SUFU: variants seen among roughly 807,000 people sequenced by gnomAD.
SUFU encodes SUFU negative regulator of hedgehog signaling.
SUFU carries 7 observed loss-of-function variants against 58.9 expected under a neutral mutation model. The ratio of observed to expected loss-of-function variants is 0.12; its 90% CI spans 0.07 to 0.22. The LOEUF (loss-of-function observed/expected upper bound fraction) is 0.22, where lower values mean the gene tolerates loss of function less well. SUFU is among the 10% of genes least tolerant of loss of function. SUFU has a pLI of 1.00. For synonymous variants in SUFU, 232 were observed against 254.8 expected, an observed-to-expected ratio of 0.91 and a Z score of 0.85; for missense variants, 451 against 641.3, an observed-to-expected ratio of 0.70 and a Z score of 3.20.
At chr10:102,532,234 G>T (rs1008048093) in intron 2 of SUFU, among the ~76,000 whole-genome samples, 2 of 152,152 alleles carry the variant, frequency 1.3e-5, no homozygotes, top group African/African-American at 4.8e-5. Context: ...CACCCAAAGT[G>T]CTGGGATTGC....
At position 102,594,024 on chromosome 10, in the gene SUFU, C is replaced by T. The variant is rs369465986; in HGVS notation, c.715C>T (p.Arg239Trp). The T allele has an allele frequency of 1.2e-6, 2 of 1,614,104 alleles. No homozygotes were observed. The highest frequency in any genetic ancestry group is 1.1e-5 in the South Asian group (1 of 91,078). ...CGGCCCCTGGCTGATAACTGACATG[C>T]GGAGGGGAGAGACCATATTTGAGAT... ...AGGPWLITDM[R>W]RGETIFEIDP... is the part of the protein sequence containing the mutation. Residue 239 changes from arginine to tryptophan, a missense_variant, in exon 6 of 12, where the codon CGG becomes TGG. Physicochemically the swap from Arg to Trp is moderately radical, Grantham distance 101. Transcript: ENST00000369902.
rs371548374 is a variant in SUFU, at chr10:102,615,409, G to A, written c.1157+7G>A. The A allele has an allele frequency of 8.7e-6, 14 of 1,613,842 alleles. No individual in the cohort carries two copies. Among genetic ancestry groups the A allele is most frequent in the Admixed American group, 8.3e-5 (5 of 59,996 alleles). ...TCATTCCTCTCTGCCTAAGGTGAGCGAGACAGCCCTGCCACACAGTTTACC... is the reference window on the plus strand; with the variant it reads ...TCATTCCTCTCTGCCTAAGGTGAGCAAGACAGCCCTGCCACACAGTTTACC... On this transcript the variant is annotated splice_region_variant and intron_variant, in intron 9 of 11. Transcript: ENST00000369902.
At chr10:102,527,791 T>C (rs2062628774) in intron 2 of SUFU, among the ~76,000 whole-genome samples, 2 of 152,160 alleles carry the variant, frequency 1.3e-5, no homozygotes, top group South Asian at 4.1e-4. Flanking sequence ...ATTGCCCTGT[T>C]TAGGTTTCTT....
chr10:102,581,809 C>T (rs1590051486), intron 3 of SUFU, among the ~76,000 whole-genome samples: 1 of 152,212 alleles, frequency 6.6e-6, no homozygotes, highest in East Asian at 1.9e-4. Flanking sequence ...ACAGAAGACA[C>T]TTAAGCCCTG....
At chr10:102,555,775 G>A (rs1353546759) in intron 3 of SUFU, among the ~76,000 whole-genome samples, 3 of 152,224 alleles carry the variant, frequency 2.0e-5, no homozygotes, top group Non-Finnish European at 2.9e-5. Flanking sequence ...AGCTGCTGCT[G>A]CAGAGCACCT....
chr10:102,603,726 A>G (rs2063536500), intron 8 of SUFU, among the ~76,000 whole-genome samples: 1 of 152,140 alleles, frequency 6.6e-6, no homozygotes. Flanking sequence ...CAACATACAC[A>G]CACACACATA....
chr10:102,526,732 A>G (rs1216267718), intron 2 of SUFU, among the ~76,000 whole-genome samples: 1 of 152,050 alleles, frequency 6.6e-6, no homozygotes, highest in Non-Finnish European at 1.5e-5. Flanking sequence ...GTACAACTCT[A>G]GGGCCACCGT....
chr10:102,556,401 T>C (rs779081250), intron 3 of SUFU, among the ~76,000 whole-genome samples: 1 of 152,194 alleles, frequency 6.6e-6, no homozygotes, highest in Non-Finnish European at 1.5e-5. Context: ...CTTCCAGATA[T>C]GGCTAGATAT....
At chr10:102,511,448 C>G (rs1245796577) in intron 2 of SUFU, among the ~76,000 whole-genome samples, 2 of 151,968 alleles carry the variant, frequency 1.3e-5, no homozygotes, top group East Asian at 3.9e-4. Flanking sequence ...CTCGTCCTGT[C>G]CTGCCTTTGC....
intron 2 of SUFU, among the ~76,000 whole-genome samples, chr10:102,517,913 G>A (rs1564661001): frequency 6.6e-6 from 1 of 152,144 alleles, no homozygotes; most frequent in Non-Finnish European, 1.5e-5. Context: ...GTTTGAGTGT[G>A]GAGACAATGA....
intron 2 of SUFU, among the ~76,000 whole-genome samples, chr10:102,518,519 G>GTCTATCTATCTA (rs376596356): frequency 0.19 from 27,567 of 146,780 alleles, 2,835 homozygotes; most frequent in African/African-American, 0.25. Context: ...CTGTCTGTCT[G>GTCTATCTATCTA]TCTATCTATC....
chr10:102,598,393 C>T (rs1378209966), intron 7 of SUFU, among the ~76,000 whole-genome samples: 3 of 152,138 alleles, frequency 2.0e-5, no homozygotes, highest in African/African-American at 4.8e-5. Context: ...GAGCTCAAAA[C>T]AATCCACCCG....
Position 102,599,756 on chromosome 10 carries a change from T to C in SUFU, c.1022+212T>C, listed in dbSNP as rs139147183. Among the ~76,000 whole-genome samples, 265 of 152,302 alleles carry C rather than the reference T, an allele frequency of 1.7e-3. 4 individuals carry two copies. The East Asian group carries it at 0.028, about 16-fold the overall frequency. ...CAGAGGGGACCCAGCAGACCGTGAA[T>C]ATTAACATCAGTAAATATTTACATG... On this transcript the variant is annotated intron_variant, in intron 8 of 11. Coordinates refer to ENST00000369902, the MANE Select transcript of SUFU (RefSeq NM_016169.4).
At chr10:102,573,310 G>GA (rs1434205661) in intron 3 of SUFU, 6 of 545,698 alleles carry the variant, frequency 1.1e-5, no homozygotes, top group Non-Finnish European at 2.0e-5. Flanking sequence ...ATCAAAAAAA[G>GA]AAAAAACAAA....
intron 7 of SUFU, 27 bp from the exon 8 acceptor site, chr10:102,599,406 C>T (rs758465608): frequency 4.4e-6 from 7 of 1,574,910 alleles, no homozygotes; most frequent in Non-Finnish European, 6.1e-6. Context: ...CACTGGGCCA[C>T]TGGGCAACTT....
rs753763781 is a variant in SUFU at position 102,610,400 on chromosome 10, A to AAAAAAAG, written c.1023-4865_1023-4864insAAAGAAA. The stretch of plus-strand genomic sequence containing the variant: ...GCAGCAAGACTCTGTCTCAAAAAAA[A>AAAAAAAG]AAAGAAAAAGAGAAAAGAAATGCTT... On this transcript the variant is annotated intron_variant, in intron 8 of 11. Transcript: ENST00000369902. Among the ~76,000 whole-genome samples the AAAAAAAG allele has an allele frequency of 1.6e-3, 245 of 151,660 alleles. 8 individuals are homozygous for AAAAAAAG. Among genetic ancestry groups the AAAAAAAG allele is most frequent in the South Asian group, 1.0e-3 (5 of 4,810 alleles).
chr10:102,503,972 A>C lies in SUFU; in HGVS notation c.-181A>C, dbSNP rs867202826. ...CCGCCGCCCCGAGGCACCCTCTGGC[A>C]GACTCGGCGGCGGCGACAGCCTGGG... On this transcript the variant is annotated 5_prime_UTR_variant, in exon 1 of 12. Coordinates refer to ENST00000369902, the MANE Select transcript of SUFU (RefSeq NM_016169.4). 1.3e-4 allele frequency: 112 copies of C among 861,228 alleles called. No individual in the cohort carries two copies. Among genetic ancestry groups the C allele is most frequent in the Middle Eastern group, 3.7e-4 (1 of 2,728 alleles). The allele number at this position is 861,228 out of a possible 1,614,324, so 53.3% of individuals were successfully genotyped here.
chr10:102,543,313 T>A (rs1018506284), intron 2 of SUFU, among the ~76,000 whole-genome samples: 2 of 152,178 alleles, frequency 1.3e-5, no homozygotes, highest in African/African-American at 2.4e-5. Context: ...ATGTGTGAGG[T>A]CAAACATCTT....
At chr10:102,624,344 C>G (rs1189437460) in intron 10 of SUFU, among the ~76,000 whole-genome samples, 2 of 152,188 alleles carry the variant, frequency 1.3e-5, no homozygotes, top group Non-Finnish European at 2.9e-5. Context: ...TGTTAACATT[C>G]TCAGCTCCAG....
Sources: gnomAD v4.1 joint callset for allele counts (sites outside exome capture counted in the v4.1 genomes callset) on GRCh38, gnomAD v4.1.1 for gene constraint, MANE v1.5 for transcripts, NCBI Gene and HGNC (gene_info 2026-07-23, HGNC 2026-07-21) for gene names.